VOPP1: variants seen among roughly 807,000 people sequenced by gnomAD.
VOPP1 encodes VOPP1 WW domain binding protein.
VOPP1 carries 8 observed loss-of-function variants against 23.5 expected under a neutral mutation model. The observed-to-expected ratio is 0.34, with a 90% CI of 0.20 to 0.61. VOPP1 has a LOEUF of 0.61. Among genes scored for constraint, VOPP1 ranks in the 20% least tolerant of loss-of-function variants. The pLI is 0.78. For synonymous variants in VOPP1, 83 were observed against 97.3 expected (o/e 0.85, Z 0.86); for missense variants, 174 against 238.1 (o/e 0.73, Z 1.77).
intron 4 of VOPP1, among the ~76,000 whole-genome samples, chr7:55,458,093 T>G (rs902904945): frequency 3.3e-5 from 5 of 152,196 alleles, no homozygotes; most frequent in African/African-American, 4.8e-5. Flanking sequence ...TCATTTTAAT[T>G]TTTGTGTATG....
chr7:55,459,117 T>C (rs1297456581), intron 4 of VOPP1, among the ~76,000 whole-genome samples: 1 of 152,192 alleles, frequency 6.6e-6, no homozygotes, highest in African/African-American at 2.4e-5. Flanking sequence ...CAAACAATTT[T>C]CTGCATCTAT....
rs78086908 is a variant in VOPP1, at chr7:55,484,341, C to T, written c.328+7941G>A. 3.8e-3 allele frequency among the ~76,000 whole-genome samples: 572 copies of T among 152,330 alleles called. 4 individuals are homozygous for T. Among genetic ancestry groups the T allele is most frequent in the African/African-American group, 0.013 (557 of 41,570 alleles). On this transcript the variant is annotated intron_variant, in intron 4 of 4. Coordinates refer to ENST00000285279, the MANE Select transcript of VOPP1 (RefSeq NM_030796.5). ...TTTGTGGAGATTCATCCTCGTGAGC[C>T]TCCTTCCACCCCCTTGCCAGTCTTT...
intron 4 of VOPP1, 148 bp from the exon 5 acceptor site, chr7:55,473,193 C>T (rs10273190): frequency 0.36 from 457,036 of 1,273,560 alleles, 85,845 homozygotes; most frequent in Non-Finnish European, 0.38. Context: ...GAGGGGGCAC[C>T]TGGGCTGTGG....
chr7:55,456,553 G>A (rs1791371455), intron 4 of VOPP1, among the ~76,000 whole-genome samples: 2 of 152,134 alleles, frequency 1.3e-5, no homozygotes, highest in Non-Finnish European at 2.9e-5. Flanking sequence ...CAACCCAAAT[G>A]CCCATCAATG....
chr7:55,491,812 A>G (rs1048838513), intron 4 of VOPP1, among the ~76,000 whole-genome samples: 4 of 152,260 alleles, frequency 2.6e-5, no homozygotes, highest in Non-Finnish European at 2.9e-5. Flanking sequence ...TAACTGCACA[A>G]TGAATACTTG....
intron 1 of VOPP1, among the ~76,000 whole-genome samples, chr7:55,547,384 C>G (rs59971776): frequency 0.022 from 3,393 of 152,272 alleles, 143 homozygotes; most frequent in African/African-American, 0.077. Context: ...ATGCCATACG[C>G]ACACCAAGGC....
chr7:55,493,936 G>A (rs756318866), intron 3 of VOPP1, among the ~76,000 whole-genome samples: 3 of 152,128 alleles, frequency 2.0e-5, no homozygotes, highest in Non-Finnish European at 2.9e-5. Context: ...AGCAAGACTG[G>A]GAACACTGCA....
At chr7:55,553,683 A>C in intron 1 of VOPP1, 1 of 149,248 alleles carries the variant, frequency 6.7e-6, no homozygotes, top group African/African-American at 2.5e-5. Context: ...TCCTTCCATC[A>C]CATCCCAGAT....
intron 4 of VOPP1, among the ~76,000 whole-genome samples, chr7:55,436,354 A>G (rs974339799): frequency 7.9e-5 from 12 of 152,136 alleles, no homozygotes; most frequent in African/African-American, 2.4e-4. Context: ...AATCAGGACA[A>G]TGGTAATATC....
chr7:55,568,429 T>C (rs1798236365), intron 1 of VOPP1, among the ~76,000 whole-genome samples: 1 of 152,192 alleles, frequency 6.6e-6, no homozygotes, highest in African/African-American at 2.4e-5. Context: ...CCCAACAGCA[T>C]TGAAGCACAA....
chr7:55,537,871 T>A (rs2129049514), intron 1 of VOPP1, among the ~76,000 whole-genome samples: 1 of 152,214 alleles, frequency 6.6e-6, no homozygotes. Flanking sequence ...AAGTTCATTC[T>A]CCCCCAAACC....
intron 3 of VOPP1, among the ~76,000 whole-genome samples, chr7:55,496,146 C>T (rs139634494): frequency 5.9e-5 from 9 of 152,340 alleles, no homozygotes; most frequent in African/African-American, 9.6e-5. Context: ...AATGCCTGAA[C>T]GCTGACCAGC....
At chr7:55,547,181 C>T (rs1176628313) in intron 1 of VOPP1, among the ~76,000 whole-genome samples, 2 of 152,144 alleles carry the variant, frequency 1.3e-5, no homozygotes, top group East Asian at 3.8e-4. Context: ...TCACCTAATG[C>T]CAGCTAACAT....
chr7:55,447,208 G>A (rs533856768), intron 4 of VOPP1, among the ~76,000 whole-genome samples: 1 of 152,202 alleles, frequency 6.6e-6, no homozygotes, highest in Non-Finnish European at 1.5e-5. Context: ...ATCAGGCAAG[G>A]CGTCAGATTA....
At chr7:55,527,251 G>C (rs12112283) in intron 1 of VOPP1, among the ~76,000 whole-genome samples, 33,331 of 152,076 alleles carry the variant, frequency 0.22, 4,196 homozygotes, top group African/African-American at 0.34. Context: ...CAGGTTTATG[G>C]ACATTTTGTT....
At chr7:55,509,171 A>C (rs1264440552) in intron 2 of VOPP1, among the ~76,000 whole-genome samples, 2 of 152,222 alleles carry the variant, frequency 1.3e-5, no homozygotes, top group Admixed American at 1.3e-4. Flanking sequence ...TCTAGTACCT[A>C]AAAAATCTGG....
At chr7:55,482,206 G>A (rs904980907) in intron 4 of VOPP1, among the ~76,000 whole-genome samples, 8 of 152,078 alleles carry the variant, frequency 5.3e-5, no homozygotes, top group African/African-American at 1.9e-4. Context: ...ATAAGCGGGA[G>A]GAAGGGAATT....
At chr7:55,567,892 G>C (rs916017293) in intron 1 of VOPP1, among the ~76,000 whole-genome samples, 1 of 152,102 alleles carries the variant, frequency 6.6e-6, no homozygotes, top group Non-Finnish European at 1.5e-5. Flanking sequence ...CACATTTGTT[G>C]GAATTCCAGG....
intron 2 of VOPP1, among the ~76,000 whole-genome samples, chr7:55,517,804 C>T (rs932626611): frequency 1.3e-5 from 2 of 152,212 alleles, no homozygotes; most frequent in Non-Finnish European, 1.5e-5. Flanking sequence ...TCTACTCATT[C>T]CCCTTTAAGA....
Sources: gnomAD v4.1 joint callset for allele counts (sites outside exome capture counted in the v4.1 genomes callset) on GRCh38, gnomAD v4.1.1 for gene constraint, MANE v1.5 for transcripts, NCBI Gene and HGNC (gene_info 2026-07-23, HGNC 2026-07-21) for gene names.